LPP: variants seen among roughly 807,000 people sequenced by gnomAD.
The protein encoded by LPP is lipoma-preferred partner.
In LPP, 38 loss-of-function variants were observed where a neutral mutation model predicts 60.4. The observed-to-expected ratio is 0.63, with a 90% CI of 0.49 to 0.83. LPP has a LOEUF of 0.83. Among genes scored for constraint, LPP ranks in the 40% least tolerant of loss-of-function variants. The probability of loss-of-function intolerance (pLI) is 0.00; values close to 1 mark genes in which losing one functional copy is unlikely to be tolerated. For missense variants in LPP, 902 were observed against 783.6 expected (o/e 1.15, Z -1.80); for synonymous variants, 328 against 290.8 (o/e 1.13, Z -1.30).
intron 3 of LPP, among the ~76,000 whole-genome samples, chr3:188,370,014 C>T (rs1772519417): frequency 1.3e-5 from 2 of 152,134 alleles, no homozygotes; most frequent in African/African-American, 4.8e-5. Flanking sequence ...CTGCAACCTC[C>T]ACCTTCCGGA....
intron 6 of LPP, among the ~76,000 whole-genome samples, chr3:188,527,254 G>A (rs1283434318): frequency 6.6e-6 from 1 of 150,812 alleles, no homozygotes; most frequent in Non-Finnish European, 1.5e-5. Flanking sequence ...GGAGGCTGAG[G>A]CAGGAGAATC....
intron 9 of LPP, among the ~76,000 whole-genome samples, chr3:188,762,106 A>G (rs1385222459): frequency 6.6e-6 from 1 of 152,058 alleles, no homozygotes; most frequent in African/African-American, 2.4e-5. Flanking sequence ...AGCCTTCTTC[A>G]GTTGTTTTGT....
At chr3:188,530,023 G>A (rs1441232533) in intron 6 of LPP, among the ~76,000 whole-genome samples, 5 of 152,184 alleles carry the variant, frequency 3.3e-5, no homozygotes, top group South Asian at 4.1e-4. Context: ...AAAGTGTTAC[G>A]GGAAGGGCAT....
intron 2 of LPP, among the ~76,000 whole-genome samples, chr3:188,264,462 GC>G (rs1050659973): frequency 1.3e-4 from 20 of 152,142 alleles, no homozygotes; most frequent in Middle Eastern, 3.4e-3. Flanking sequence ...GAATCATAAA[GC>G]ATTTGCTCTG....
At chr3:188,761,383 A>G (rs1732296588) in intron 9 of LPP, among the ~76,000 whole-genome samples, 1 of 152,214 alleles carries the variant, frequency 6.6e-6, no homozygotes, top group African/African-American at 2.4e-5. Context: ...TCGTAGGATT[A>G]AATATGGCTT....
chr3:188,272,021 A>G (rs1294076482), intron 2 of LPP, among the ~76,000 whole-genome samples: 1 of 152,090 alleles, frequency 6.6e-6, no homozygotes, highest in Non-Finnish European at 1.5e-5. Flanking sequence ...CTGCTATAAC[A>G]CAGCCACCAA....
At chr3:188,163,730 T>A (rs1260328704) in intron 1 of LPP, among the ~76,000 whole-genome samples, 1 of 148,932 alleles carries the variant, frequency 6.7e-6, no homozygotes, top group Non-Finnish European at 1.5e-5. Flanking sequence ...TCACGTGAGG[T>A]CAGGAGTTTG....
At chr3:188,396,171 T>C (rs1430911872) in intron 3 of LPP, among the ~76,000 whole-genome samples, 2 of 152,168 alleles carry the variant, frequency 1.3e-5, no homozygotes, top group East Asian at 3.9e-4. Context: ...CAAGCAGTGT[T>C]ATCAGATGTA....
At chr3:188,802,256 A>G (rs1483373797) in intron 9 of LPP, among the ~76,000 whole-genome samples, 1 of 152,162 alleles carries the variant, frequency 6.6e-6, no homozygotes, top group Non-Finnish European at 1.5e-5. Flanking sequence ...TTAACTCTTC[A>G]TTATAACTCA....
intron 2 of LPP, among the ~76,000 whole-genome samples, chr3:188,266,594 A>G (rs762688599): frequency 6.6e-6 from 1 of 152,070 alleles, no homozygotes; most frequent in Non-Finnish European, 1.5e-5. Flanking sequence ...AGTTCTTATT[A>G]TGTACATAAC....
chr3:188,177,974 C>T (rs1357264117), intron 1 of LPP, among the ~76,000 whole-genome samples: 1 of 152,200 alleles, frequency 6.6e-6, no homozygotes, highest in East Asian at 1.9e-4. Flanking sequence ...CATACATGCT[C>T]TTTTCCTTTC....
At chr3:188,846,361 A>G (rs1761394356) in intron 9 of LPP, among the ~76,000 whole-genome samples, 1 of 152,190 alleles carries the variant, frequency 6.6e-6, no homozygotes, top group African/African-American at 2.4e-5. Flanking sequence ...GATAACATGA[A>G]GAGAGGTGCC....
At chr3:188,211,270 A>C (rs947689150) in intron 1 of LPP, among the ~76,000 whole-genome samples, 1 of 152,114 alleles carries the variant, frequency 6.6e-6, no homozygotes, top group Non-Finnish European at 1.5e-5. Flanking sequence ...TGGGTCCTTC[A>C]TGCCCTGATC....
intron 9 of LPP, among the ~76,000 whole-genome samples, chr3:188,845,708 C>T (rs1191448843): frequency 1.3e-5 from 2 of 152,116 alleles, no homozygotes; most frequent in African/African-American, 4.8e-5. Context: ...AGAGCACTGA[C>T]GTGGGAATTG....
chr3:188,423,408 G>A (rs1222531319), intron 4 of LPP, among the ~76,000 whole-genome samples: 1 of 152,130 alleles, frequency 6.6e-6, no homozygotes, highest in African/African-American at 2.4e-5. Context: ...ATAAATATAC[G>A]TGTACATGTG....
At chr3:188,160,345 C>A (rs2148689387) in intron 1 of LPP, among the ~76,000 whole-genome samples, 1 of 152,296 alleles carries the variant, frequency 6.6e-6, no homozygotes, top group Admixed American at 6.5e-5. Context: ...CAGGTGCCTG[C>A]TGGCACGCCT....
intron 9 of LPP, among the ~76,000 whole-genome samples, chr3:188,848,960 G>A (rs1390969255): frequency 2.1e-5 from 3 of 143,630 alleles, no homozygotes; most frequent in African/African-American, 5.1e-5. Flanking sequence ...ACGAGACTCT[G>A]TCTCAAAAAA....
intron 7 of LPP, among the ~76,000 whole-genome samples, chr3:188,695,292 T>C (rs1017716142): frequency 6.6e-6 from 1 of 152,228 alleles, no homozygotes; most frequent in East Asian, 1.9e-4. Flanking sequence ...ATGACTACTA[T>C]TATTTTAATC....
At chr3:188,635,863 G>A (rs1365338253) in intron 7 of LPP, among the ~76,000 whole-genome samples, 4 of 152,186 alleles carry the variant, frequency 2.6e-5, no homozygotes, top group Admixed American at 1.3e-4. Flanking sequence ...TCACCGGGCT[G>A]ATAAAAAGTG....
Sources: allele counts gnomAD v4.1 joint callset (sites outside exome capture counted in the v4.1 genomes callset), GRCh38; gene constraint gnomAD v4.1.1; transcripts MANE v1.5; gene names NCBI Gene and HGNC (gene_info 2026-07-23, HGNC 2026-07-21).